The following METTL4 variants were observed in gnomAD, a reference collection of about 807,000 sequenced individuals.
METTL4 encodes methyltransferase 4, N6-adenosine.
METTL4 carries 40 observed loss-of-function variants against 54.0 expected under a neutral mutation model. That is an observed-to-expected ratio of 0.74 (90% CI 0.58 to 0.96). METTL4 has a LOEUF of 0.96. METTL4 is among the 50% of genes least tolerant of loss of function. METTL4 has a pLI of 0.00. For missense variants in METTL4, 525 were observed against 549.0 expected (o/e 0.96, Z 0.44); for synonymous variants, 169 against 183.8 (o/e 0.92, Z 0.65).
At chr18:2,552,788 G>T in intron 4 of METTL4, 24 bp from the exon 5 acceptor site, 1 of 1,486,454 alleles carries the variant, frequency 6.7e-7, no homozygotes, top group Non-Finnish European at 9.4e-7. Flanking sequence ...TACAATTTCA[G>T]AAAATACCTT....
intron 3 of METTL4, among the ~76,000 whole-genome samples, chr18:2,557,533 T>C (rs921575726): frequency 3.9e-5 from 6 of 152,300 alleles, no homozygotes; most frequent in South Asian, 2.1e-4. Flanking sequence ...AGGCAGAGGA[T>C]AGACTTGTAT....
chr18:2,540,613 C>A, intron 8 of METTL4: 1 of 985,350 alleles, frequency 1.0e-6, no homozygotes, highest in Non-Finnish European at 1.2e-6. Context: ...CTAGGAGATA[C>A]TGGCACGAAG....
rs1043606203 is a variant in METTL4, at chr18:2,571,457, G to A, written c.-747C>T. 3 of 152,228 alleles carry A rather than the reference G, an allele frequency of 2.0e-5. No homozygotes were observed. The East Asian group carries it at 5.8e-4, about 29-fold the overall frequency. The allele number at this position is 152,228 out of a possible 1,614,324, so 9.4% of individuals were successfully genotyped here. On this transcript the variant is annotated 5_prime_UTR_variant, in exon 1 of 9. Transcript: ENST00000574538. ...AGACCCCAGTTCCTGGGGTGACGCA[G>A]CTGGGCGCGACCAGCACGCAGCCTT...
intron 8 of METTL4, chr18:2,540,147 C>T: frequency 1.0e-6 from 1 of 985,142 alleles, no homozygotes. Flanking sequence ...GGCTAAAGAG[C>T]TGTTGTCTAC....
chr18:2,551,143 G>C (rs7234700), intron 5 of METTL4, among the ~76,000 whole-genome samples: 1 of 119,090 alleles, frequency 8.4e-6, no homozygotes, highest in South Asian at 2.6e-4. Context: ...CAGCCTGGGC[G>C]ACAGAACGAG....
At chr18:2,540,627 T>G (rs2071980604) in intron 8 of METTL4, 8 of 985,406 alleles carry the variant, frequency 8.1e-6, no homozygotes, top group Non-Finnish European at 8.4e-6. Flanking sequence ...CACGAAGGCT[T>G]CTAACCCTTT....
At chr18:2,560,081 G>A (rs1261618933) in intron 3 of METTL4, among the ~76,000 whole-genome samples, 1 of 152,000 alleles carries the variant, frequency 6.6e-6, no homozygotes, top group African/African-American at 2.4e-5. Flanking sequence ...TGTGAAAACT[G>A]ACATCAATAG....
chr18:2,557,313 A>AAAAAAT (rs1365085161), intron 3 of METTL4, among the ~76,000 whole-genome samples: 1 of 152,134 alleles, frequency 6.6e-6, no homozygotes, highest in Non-Finnish European at 1.5e-5. Context: ...CCAAAAATTT[A>AAAAAAT]AAAAATAAAA....
intron 2 of METTL4, among the ~76,000 whole-genome samples, chr18:2,564,166 G>C (rs772014691): frequency 6.6e-6 from 1 of 152,078 alleles, no homozygotes; most frequent in Non-Finnish European, 1.5e-5. Context: ...CACTTTGGGA[G>C]GCCAAGGCGG....
intron 3 of METTL4, among the ~76,000 whole-genome samples, chr18:2,559,313 T>C (rs370357973): frequency 1.2e-4 from 19 of 152,336 alleles, no homozygotes; most frequent in Non-Finnish European, 1.9e-4. Flanking sequence ...ATATGCTACA[T>C]GGATGAACCT....
At position 2,554,671 on chromosome 18, in the gene METTL4, T is replaced by C. The variant is rs141410214; in HGVS notation, c.827A>G (p.Asn276Ser). 781 of 1,601,312 alleles carry C rather than the reference T, an allele frequency of 4.9e-4. 4 individuals carry two copies. The highest frequency in any genetic ancestry group is 8.0e-4 in the Admixed American group (44 of 55,164). Reference sequence around the variant, plus strand: ...TAACAAACACAATAATTACTTACAGTTTAGAAGTGGTTGCATACAAGAAAT... The same window carrying C: ...TAACAAACACAATAATTACTTACAGCTTAGAAGTGGTTGCATACAAGAAAT... ...SDISCMQPLL[N>S]YRKTFDVIVI... Residue 276 changes from asparagine to serine, a missense_variant and splice_region_variant, in exon 4 of 9, where the codon AAC becomes AGC. Coordinates refer to ENST00000574538, the MANE Select transcript of METTL4 (RefSeq NM_022840.5).
In METTL4 at chr18:2,557,193, C is replaced by G. The variant is rs534019371; in HGVS notation, c.460-2155G>C. On this transcript the variant is annotated intron_variant, in intron 3 of 8. Coordinates refer to ENST00000574538, the MANE Select transcript of METTL4 (RefSeq NM_022840.5). ...GAATATCAGAGAGGAAAGGGCTCCA[C>G]AGAGAGAGAACTCAGGAAATCTGCA... Among the ~76,000 whole-genome samples, 36 of 151,972 alleles carry G rather than the reference C, an allele frequency of 2.4e-4. 1 individual carries two copies. Among genetic ancestry groups the G allele is most frequent in the Admixed American group, 4.6e-4 (7 of 15,266 alleles).
At chr18:2,543,827 T>G (rs1457441120) in intron 8 of METTL4, among the ~76,000 whole-genome samples, 7 of 152,170 alleles carry the variant, frequency 4.6e-5, no homozygotes, top group Non-Finnish European at 8.8e-5. Flanking sequence ...TGACTACTAT[T>G]CTGAGTTCCT....
In METTL4 at chr18:2,566,974, C is replaced by A. The variant is rs754248681; in HGVS notation, c.243G>T (p.Met81Ile). 5.0e-5 allele frequency: 81 copies of A among 1,613,994 alleles called. No individual in the cohort carries two copies. Among genetic ancestry groups the A allele is most frequent in the Non-Finnish European group, 6.8e-5 (80 of 1,180,018 alleles). Reference protein sequence around the residue: ...PENDDGGNYEMFTRKFVFRPE... With the variant: ...PENDDGGNYEIFTRKFVFRPE... ...GTCGAAAAACAAATTTTCGTGTGAA[C>A]ATTTCATAATTTCCTCCATCATCAT... Residue 81 changes from methionine (M) to isoleucine (I), a missense_variant, in exon 2 of 9, where the codon ATG (methionine) becomes ATT (isoleucine). Physicochemically the swap from Met to Ile is conservative, Grantham distance 10. Coordinates refer to ENST00000574538, the MANE Select transcript of METTL4 (RefSeq NM_022840.5).
chr18:2,558,397 T>C (rs920876194), intron 3 of METTL4, among the ~76,000 whole-genome samples: 6 of 151,604 alleles, frequency 4.0e-5, no homozygotes, highest in African/African-American at 1.5e-4. Context: ...ATAAGGAAAA[T>C]CAGAAAATAA....
At chr18:2,566,545 G>A (rs1567983691) in intron 2 of METTL4, 1 of 186,402 alleles carries the variant, frequency 5.4e-6, no homozygotes, top group African/African-American at 2.3e-5. Flanking sequence ...CTTTTTGTTT[G>A]TTTTTTTGCT....
At chr18:2,563,746 T>C (rs1408863656) in intron 3 of METTL4, 51 bp downstream of exon 3, 2 of 1,323,914 alleles carry the variant, frequency 1.5e-6, no homozygotes, top group African/African-American at 1.5e-5. Context: ...ATTTATTTTC[T>C]ACTACTTCAC....
chr18:2,564,167 G>C (rs2072366337), intron 2 of METTL4, among the ~76,000 whole-genome samples: 1 of 151,996 alleles, frequency 6.6e-6, no homozygotes, highest in South Asian at 2.1e-4. Context: ...ACTTTGGGAG[G>C]CCAAGGCGGG....
intron 3 of METTL4, among the ~76,000 whole-genome samples, chr18:2,563,257 T>C (rs2072349168): frequency 6.6e-6 from 1 of 152,182 alleles, no homozygotes; most frequent in African/African-American, 2.4e-5. Flanking sequence ...GTTTACTTTG[T>C]TAAATATTTA....
Sources: gnomAD v4.1 joint callset for allele counts (sites outside exome capture counted in the v4.1 genomes callset) on GRCh38, gnomAD v4.1.1 for gene constraint, MANE v1.5 for transcripts, NCBI Gene and HGNC (gene_info 2026-07-23, HGNC 2026-07-21) for gene names.